The following SLC30A9 variants were observed in gnomAD, a reference collection of about 807,000 sequenced individuals.
The protein encoded by SLC30A9 is proton-coupled zinc antiporter SLC30A9, mitochondrial.
In SLC30A9, 58 loss-of-function variants were observed where a neutral mutation model predicts 87.5. The observed-to-expected ratio is 0.66, with a 90% CI of 0.54 to 0.82. The LOEUF (loss-of-function observed/expected upper bound fraction) is 0.82. Ranked by LOEUF, SLC30A9 falls within the 40% of genes least tolerant of loss-of-function variation. The pLI is 0.00. For synonymous variants in SLC30A9, 234 were observed against 233.0 expected (o/e 1.00, Z -0.04); for missense variants, 557 against 679.1 (o/e 0.82, Z 2.00).
chr4:42,037,932 GGCTGATTT>G lies in SLC30A9; in HGVS notation c.670-1053_670-1046del, dbSNP rs1476396075. ...ATTACGGGCACCCACTACCACAGCC[GGCTGATTT>G]TTTTGTATTTTAGTAGAGACGGGGT... On this transcript the variant is annotated intron_variant, in intron 7 of 17. Transcript: ENST00000264451. Among the ~76,000 whole-genome samples the G allele has an allele frequency of 3.3e-5, 5 of 152,056 alleles. No homozygotes were observed. The East Asian group carries it at 7.7e-4, about 24-fold the overall frequency.
chr4:42,068,307 C>T (rs1718166544), intron 14 of SLC30A9, among the ~76,000 whole-genome samples: 1 of 151,390 alleles, frequency 6.6e-6, no homozygotes, highest in South Asian at 2.1e-4. Context: ...GCAATGGTGC[C>T]ATGTCGGCTC....
intron 2 of SLC30A9, among the ~76,000 whole-genome samples, chr4:42,008,989 G>A (rs143069845): frequency 2.0e-5 from 3 of 152,244 alleles, no homozygotes; most frequent in African/African-American, 7.2e-5. Flanking sequence ...CCAGAAATAA[G>A]CATGTTTATT....
chr4:42,037,659 C>T (rs551538486), intron 7 of SLC30A9, among the ~76,000 whole-genome samples: 1 of 152,042 alleles, frequency 6.6e-6, no homozygotes, highest in Non-Finnish European at 1.5e-5. Context: ...TGTGAATGTT[C>T]TCAAAGATAT....
chr4:42,041,559 C>T (rs187910493), intron 8 of SLC30A9, among the ~76,000 whole-genome samples: 80 of 152,222 alleles, frequency 5.3e-4, no homozygotes, highest in Admixed American at 2.1e-3. Flanking sequence ...CATAGTGAGA[C>T]CTTGTACCTA....
chr4:42,028,411 G>T lies in SLC30A9; in HGVS notation c.610+5027G>T, dbSNP rs76571792. Among the ~76,000 whole-genome samples, 1,447 of 152,286 alleles carry T rather than the reference G, an allele frequency of 9.5e-3. 26 individuals are homozygous for T. The highest frequency in any genetic ancestry group is 0.033 in the African/African-American group (1,389 of 41,540). ...TGGGATTATAGGCATGAGCCACTGC[G>T]CCCAGCCACGTGAGAATATTTTCAA... On this transcript the variant is annotated intron_variant, in intron 6 of 17. Transcript: ENST00000264451.
At position 42,068,245 on chromosome 4, in the gene SLC30A9, C is replaced by CTT. The variant is rs59683160; in HGVS notation, c.1252+1067_1252+1068dup. Among the ~76,000 whole-genome samples, 695 of 142,244 alleles carry CTT rather than the reference C, an allele frequency of 4.9e-3. 2 individuals carry two copies. The highest frequency in any genetic ancestry group is 0.011 in the African/African-American group (442 of 38,624). 93.3% of individuals were successfully genotyped at this position (142,244 alleles called of 152,430 possible). A position where few individuals can be genotyped will look rare whatever the true frequency, so the allele number is the denominator to read the frequency against. ...AGAAATATGCCATAGGAACTTAACT[C>CTT]TTTTTTTTTTTTTTTGAGACAGAGT... is the stretch of plus-strand genomic sequence containing the variant. On this transcript the variant is annotated intron_variant, in intron 14 of 17. Transcript: ENST00000264451.
At chr4:42,040,670 C>G (rs111363456) in intron 8 of SLC30A9, among the ~76,000 whole-genome samples, 1 of 151,728 alleles carries the variant, frequency 6.6e-6, no homozygotes, top group Non-Finnish European at 1.5e-5. Context: ...GTGGTGGGCG[C>G]CTGTAGTCCC....
chr4:42,076,877 G>T (rs757133143), intron 16 of SLC30A9, among the ~76,000 whole-genome samples: 1 of 150,146 alleles, frequency 6.7e-6, no homozygotes, highest in African/African-American at 2.4e-5. Context: ...CAGTAGAATC[G>T]CTTGAACCTG....
chr4:42,045,194 CA>C (rs960141298), intron 8 of SLC30A9, among the ~76,000 whole-genome samples: 5 of 151,972 alleles, frequency 3.3e-5, no homozygotes, highest in African/African-American at 9.7e-5. Context: ...TAGCAGAAGA[CA>C]AGAAATAACT....
intron 8 of SLC30A9, among the ~76,000 whole-genome samples, chr4:42,040,791 G>C (rs1390721175): frequency 2.2e-5 from 1 of 44,524 alleles, no homozygotes; most frequent in African/African-American, 9.2e-5. Context: ...GCCAGACTCT[G>C]TCTCAAAAAA....
chr4:42,074,933 G>T (rs930733499), intron 15 of SLC30A9, among the ~76,000 whole-genome samples: 1 of 144,722 alleles, frequency 6.9e-6, no homozygotes, highest in African/African-American at 2.6e-5. Flanking sequence ...ATTTTTATAT[G>T]GCATTTAGGA....
At chr4:42,022,740 A>G (rs1716025804) in intron 4 of SLC30A9, 98 bp from the exon 5 acceptor site, 2 of 552,188 alleles carry the variant, frequency 3.6e-6, no homozygotes. Flanking sequence ...TAAGATGGGG[A>G]TCAGTGTTGT....
intron 6 of SLC30A9, chr4:42,030,064 C>A: frequency 3.6e-6 from 3 of 842,534 alleles, no homozygotes; most frequent in African/African-American, 1.7e-5. Flanking sequence ...GAACATTGGG[C>A]ACAGTGAGAA....
rs1718268728 is a variant in SLC30A9, at chr4:42,070,509, T to G, written c.1253-17T>G. ...ATAAACTGTTAATTTACTGATTTTT[T>G]TATGTGCTTCATTTAGGCAATCCAC... On this transcript the variant is annotated splice_polypyrimidine_tract_variant and intron_variant, in intron 14 of 17. Coordinates refer to ENST00000264451, the MANE Select transcript of SLC30A9 (RefSeq NM_006345.4). 3 of 1,597,972 alleles carry G rather than the reference T, an allele frequency of 1.9e-6. No individual in the cohort carries two copies. Among genetic ancestry groups the G allele is most frequent in the Non-Finnish European group, 2.6e-6 (3 of 1,169,906 alleles).
At chr4:42,062,923 C>A in intron 10 of SLC30A9, 63 bp from the exon 11 acceptor site, 1 of 1,393,226 alleles carries the variant, frequency 7.2e-7, no homozygotes, top group Non-Finnish European at 1.0e-6. Context: ...ACCTATTAAG[C>A]ACATATATTT....
rs866040489 is a variant in SLC30A9, at chr4:41,997,999, G to A, written c.110-3617G>A. Among the ~76,000 whole-genome samples, 12 of 152,322 alleles carry A rather than the reference G, an allele frequency of 7.9e-5. No individual in the cohort carries two copies. In the Middle Eastern group the frequency reaches 0.014, roughly 173 times the overall value. On this transcript the variant is annotated intron_variant, in intron 1 of 17. Coordinates refer to ENST00000264451, the MANE Select transcript of SLC30A9 (RefSeq NM_006345.4). ...TTTGTTTATTTTTAGTTGTTGTTGC[G>A]GAAGCAACGTATACAGTAGACTGAG... is the stretch of plus-strand genomic sequence containing the variant.
At position 42,060,254 on chromosome 4, in the gene SLC30A9, C is replaced by T. The variant is rs767051746; in HGVS notation, c.896+8C>T. On this transcript the variant is annotated splice_region_variant and intron_variant, in intron 10 of 17. Coordinates refer to ENST00000264451, the MANE Select transcript of SLC30A9 (RefSeq NM_006345.4). The stretch of plus-strand genomic sequence containing the variant: ...ACCAGATCCTTCTCATCCGTAAGGA[C>T]ATTGCCTTATTTTGTTTTTGTTTGT... 2 of 1,605,038 alleles carry T rather than the reference C, an allele frequency of 1.2e-6. No homozygotes were observed. The highest frequency in any genetic ancestry group is 1.7e-6 in the Non-Finnish European group (2 of 1,172,270).
intron 8 of SLC30A9, among the ~76,000 whole-genome samples, chr4:42,040,081 A>G (rs972676620): frequency 2.6e-5 from 4 of 152,338 alleles, no homozygotes; most frequent in Non-Finnish European, 5.9e-5. Flanking sequence ...CTTAGAAGGT[A>G]TGTTCAAGGA....
chr4:42,063,273 G>A (rs868847962), intron 11 of SLC30A9, 152 bp downstream of exon 11: 1 of 532,240 alleles, frequency 1.9e-6, no homozygotes, highest in East Asian at 3.1e-5. Context: ...TTAATTTTTA[G>A]AACGTGACTG....
Sources: gnomAD v4.1 joint callset for allele counts (sites outside exome capture counted in the v4.1 genomes callset) on GRCh38, gnomAD v4.1.1 for gene constraint, MANE v1.5 for transcripts, NCBI Gene and HGNC (gene_info 2026-07-23, HGNC 2026-07-21) for gene names.